Variants in TTC28 observed in about 807,000 individuals in gnomAD.
The protein encoded by TTC28 is tetratricopeptide repeat protein 28.
In TTC28, 61 loss-of-function variants were observed where a neutral mutation model predicts 198.0. The ratio of observed to expected loss-of-function variants is 0.31; its 90% CI spans 0.25 to 0.38. The LOEUF is 0.38. Among genes scored for constraint, TTC28 ranks in the 10% least tolerant of loss-of-function variants. The pLI, the probability that TTC28 is intolerant of heterozygous loss-of-function variation, is 1.00. For missense variants in TTC28, 2,678 were observed against 3,164.0 expected (o/e 0.85, Z 3.69); for synonymous variants, 1,171 against 1,297.8 (o/e 0.90, Z 2.10).
intron 14 of TTC28, among the ~76,000 whole-genome samples, chr22:28,009,987 C>CCAAA (rs1324764652): frequency 2.0e-5 from 3 of 152,206 alleles, no homozygotes; most frequent in African/African-American, 7.2e-5. Flanking sequence ...TTTAAAGCAG[C>CCAAA]CAAACTCCTT....
intron 2 of TTC28, among the ~76,000 whole-genome samples, chr22:28,524,459 C>G (rs1174841123): frequency 1.7e-5 from 1 of 59,250 alleles, no homozygotes. Context: ...GAAGCCAGCT[C>G]AAAAAAAAAA....
At chr22:28,621,690 C>G (rs2051000426) in intron 2 of TTC28, among the ~76,000 whole-genome samples, 1 of 147,826 alleles carries the variant, frequency 6.8e-6, no homozygotes, top group Admixed American at 6.8e-5. Flanking sequence ...CTGTAGTGAG[C>G]CATGATGGCA....
chr22:28,290,178 C>T (rs35812775), intron 5 of TTC28, among the ~76,000 whole-genome samples: 7,091 of 152,098 alleles, frequency 0.047, 219 homozygotes, highest in African/African-American at 0.077. Flanking sequence ...AGTATTCTTC[C>T]CACGCATAGC....
chr22:28,556,551 T>C (rs2049789803), intron 2 of TTC28, among the ~76,000 whole-genome samples: 1 of 152,234 alleles, frequency 6.6e-6, no homozygotes, highest in Non-Finnish European at 1.5e-5. Context: ...TGGTTACTTT[T>C]AAGATTTTTC....
chr22:28,329,901 T>A (rs903816519), intron 2 of TTC28, among the ~76,000 whole-genome samples: 9 of 152,172 alleles, frequency 5.9e-5, no homozygotes, highest in African/African-American at 2.2e-4. Context: ...GGAGAACAAA[T>A]CTCTCTTCTC....
chr22:28,319,542 G>A (rs1213101175), intron 2 of TTC28, among the ~76,000 whole-genome samples: 1 of 152,104 alleles, frequency 6.6e-6, no homozygotes. Flanking sequence ...CTGTGGTGTG[G>A]GATGTCAATA....
chr22:28,258,258 T>C (rs1442541158), intron 5 of TTC28, among the ~76,000 whole-genome samples: 1 of 152,116 alleles, frequency 6.6e-6, no homozygotes, highest in Non-Finnish European at 1.5e-5. Context: ...AGGAATCCTG[T>C]TAGGATCTTC....
chr22:28,248,777 C>T (rs1406517343), intron 5 of TTC28, among the ~76,000 whole-genome samples: 1 of 152,176 alleles, frequency 6.6e-6, no homozygotes, highest in Non-Finnish European at 1.5e-5. Flanking sequence ...AAGTTTGTTT[C>T]CTACCTCTTT....
chr22:28,066,962 G>T (rs927201576), intron 12 of TTC28, among the ~76,000 whole-genome samples: 24 of 152,170 alleles, frequency 1.6e-4, no homozygotes, highest in African/African-American at 5.5e-4. Context: ...TTCCCGCGTA[G>T]ATCAAGCAGC....
intron 2 of TTC28, among the ~76,000 whole-genome samples, chr22:28,421,311 G>A (rs748588586): frequency 4.6e-5 from 7 of 152,030 alleles, no homozygotes; most frequent in Non-Finnish European, 1.0e-4. Context: ...CCACAACGCT[G>A]GAAAACTGAT....
At chr22:27,990,568 T>C (rs527942781) in intron 20 of TTC28, among the ~76,000 whole-genome samples, 3 of 152,160 alleles carry the variant, frequency 2.0e-5, no homozygotes, top group African/African-American at 7.2e-5. Flanking sequence ...GGAGGTCAAA[T>C]CAAGGACGCA....
intron 2 of TTC28, among the ~76,000 whole-genome samples, chr22:28,574,776 A>G (rs1306721810): frequency 6.6e-6 from 1 of 152,154 alleles, no homozygotes. Flanking sequence ...CTGATAAACA[A>G]TGATGTTGAA....
chr22:28,106,729 C>T (rs780591481), intron 7 of TTC28, among the ~76,000 whole-genome samples: 14 of 152,274 alleles, frequency 9.2e-5, no homozygotes, highest in East Asian at 5.8e-4. Flanking sequence ...GACTCGTTCA[C>T]CTTCCCCATC....
intron 2 of TTC28, among the ~76,000 whole-genome samples, chr22:28,447,082 G>T (rs2047712813): frequency 6.6e-6 from 1 of 152,152 alleles, no homozygotes; most frequent in Non-Finnish European, 1.5e-5. Flanking sequence ...AGAATCCAGG[G>T]TTCTTTCTTA....
chr22:28,039,340 A>C (rs903092861), intron 12 of TTC28, among the ~76,000 whole-genome samples: 1 of 152,216 alleles, frequency 6.6e-6, no homozygotes, highest in Non-Finnish European at 1.5e-5. Context: ...CTATGCAGCC[A>C]TAAAAAAGGA....
chr22:28,535,665 G>A (rs1360555790), intron 2 of TTC28, among the ~76,000 whole-genome samples: 2 of 152,100 alleles, frequency 1.3e-5, no homozygotes, highest in East Asian at 3.9e-4. Flanking sequence ...CTGGTGGGAG[G>A]TGACTGAACC....
chr22:28,352,845 G>A (rs1161386016), intron 2 of TTC28, among the ~76,000 whole-genome samples: 1 of 152,094 alleles, frequency 6.6e-6, no homozygotes, highest in Non-Finnish European at 1.5e-5. Context: ...AAATAACTAT[G>A]TTTCAAACAA....
chr22:28,014,892 C>T (rs1445710243), intron 13 of TTC28, among the ~76,000 whole-genome samples: 2 of 152,356 alleles, frequency 1.3e-5, no homozygotes, highest in East Asian at 1.9e-4. Flanking sequence ...TGTGGCAAGG[C>T]AGTAGAAACC....
At chr22:28,197,037 A>G (rs1162571970) in intron 5 of TTC28, among the ~76,000 whole-genome samples, 1 of 152,110 alleles carries the variant, frequency 6.6e-6, no homozygotes, top group Admixed American at 6.5e-5. Flanking sequence ...TCCAACAATG[A>G]TAGACTGGAT....
Sources: allele counts gnomAD v4.1 joint callset (sites outside exome capture counted in the v4.1 genomes callset), GRCh38; gene constraint gnomAD v4.1.1; transcripts MANE v1.5; gene names NCBI Gene and HGNC (gene_info 2026-07-23, HGNC 2026-07-21).